ZFP1: variants seen among roughly 807,000 people sequenced by gnomAD.
ZFP1 encodes the protein zinc finger protein 1 homolog.
Under a neutral mutation model 38.5 loss-of-function variants are expected in ZFP1, and 32 were observed. That is an observed-to-expected ratio of 0.83 (90% CI 0.63 to 1.12). ZFP1 has a LOEUF of 1.12. ZFP1 is among the 50% of genes most tolerant of loss of function. ZFP1 has a pLI of 0.00. For synonymous variants in ZFP1, 245 were observed against 168.8 expected, an observed-to-expected ratio of 1.45 and a Z score of -3.50; for missense variants, 616 against 480.8, an observed-to-expected ratio of 1.28 and a Z score of -2.63.
intron 3 of ZFP1, among the ~76,000 whole-genome samples, chr16:75,168,686 ACTGCAAACCTATGAGAAGTGCTG>A (rs1483587386): frequency 1.3e-5 from 2 of 152,202 alleles, no homozygotes; most frequent in Non-Finnish European, 2.9e-5. Context: ...TCTGGTTGTC[ACTGCAAACCTATGAGAAGTGCTG>A]TTCTCTGGAA....
At chr16:75,138,739 A>G in the ZFP1 span, among the ~76,000 whole-genome samples, 11 of 152,234 alleles carry the variant, frequency 7.2e-5, no homozygotes, top group Admixed American at 2.6e-4. Context: ...CAGCGAGGGA[A>G]ATCCCTGGAA....
rs757761955 is a variant in ZFP1 at position 75,169,360 on chromosome 16, G to T, written c.250G>T (p.Asp84Tyr). ...KNQTPIEERGDLFGKALNLNT... is the reference protein window; with the variant it reads ...KNQTPIEERGYLFGKALNLNT... ...CCAAACCCCAATTGAGGAAAGAGGCGATCTCTTTGGAAAAGCACTTAATCT... is the reference window on the plus strand; with the variant it reads ...CCAAACCCCAATTGAGGAAAGAGGCTATCTCTTTGGAAAAGCACTTAATCT... The change falls in exon 4 of 4, where the codon GAT becomes TAT. Residue 84 changes from aspartate to tyrosine, a missense_variant. Physicochemically the swap from Asp to Tyr is radical, Grantham distance 160 (BLOSUM62 -3). Coordinates refer to ENST00000570010, the MANE Select transcript of ZFP1 (RefSeq NM_153688.4). 9.9e-6 allele frequency: 16 copies of T among 1,613,870 alleles called. No individual in the cohort carries two copies. Among genetic ancestry groups the T allele is most frequent in the Non-Finnish European group, 1.3e-5 (15 of 1,179,986 alleles).
intron 2 of ZFP1, among the ~76,000 whole-genome samples, chr16:75,166,339 TCTC>T (rs1425976746): frequency 6.6e-6 from 1 of 152,164 alleles, no homozygotes; most frequent in Non-Finnish European, 1.5e-5. Flanking sequence ...TTTAAGCAGT[TCTC>T]CTGTCTCAGC....
At chr16:75,161,126 G>C (rs1034382662) in intron 2 of ZFP1, among the ~76,000 whole-genome samples, 3 of 152,004 alleles carry the variant, frequency 2.0e-5, no homozygotes, top group African/African-American at 7.3e-5. Context: ...GTAGTGCAGT[G>C]GCACCATCTT....
the ZFP1 span, among the ~76,000 whole-genome samples, chr16:75,123,491 A>G: frequency 3.4e-3 from 353 of 105,010 alleles, 8 homozygotes; most frequent in African/African-American, 9.3e-3. Flanking sequence ...ATATATATAT[A>G]TATATATATG....
chr16:75,145,508 T>C (rs73617616), upstream of ZFP1, among the ~76,000 whole-genome samples: 9,567 of 152,038 alleles, frequency 0.063, 1,002 homozygotes, highest in African/African-American at 0.21. Context: ...TCCAAGACCA[T>C]TGTGGCCCAC....
At chr16:75,142,766 G>A in the ZFP1 span, among the ~76,000 whole-genome samples, 75 of 152,082 alleles carry the variant, frequency 4.9e-4, no homozygotes, top group African/African-American at 1.7e-3. Context: ...GCAGTGGTGC[G>A]ATCTCAGCTC....
intron 2 of ZFP1, among the ~76,000 whole-genome samples, chr16:75,161,706 T>C (rs2037784685): frequency 7.4e-6 from 1 of 135,856 alleles, no homozygotes; most frequent in African/African-American, 2.7e-5. Flanking sequence ...TGGTAGATTA[T>C]AAGATTTCTT....
At chr16:75,160,409 A>G (rs2037705516) in intron 2 of ZFP1, among the ~76,000 whole-genome samples, 1 of 151,954 alleles carries the variant, frequency 6.6e-6, no homozygotes, top group African/African-American at 2.4e-5. Flanking sequence ...ACTAAACCCC[A>G]TCTGTACTAA....
the ZFP1 span, among the ~76,000 whole-genome samples, chr16:75,140,905 G>A: frequency 1.3e-5 from 2 of 152,000 alleles, no homozygotes; most frequent in Non-Finnish European, 2.9e-5. Flanking sequence ...CTTGCAGTGA[G>A]CCGAGATCGC....
chr16:75,161,847 C>T (rs1441965523), intron 2 of ZFP1, among the ~76,000 whole-genome samples: 1 of 128,306 alleles, frequency 7.8e-6, no homozygotes, highest in African/African-American at 3.0e-5. Flanking sequence ...TGCAGTAGCA[C>T]GATCTAGGCT....
Position 75,151,589 on chromosome 16 carries a change from T to TG in ZFP1, c.-43-1318dup, listed in dbSNP as rs2037205202. Reference sequence around the variant, plus strand: ...TCATACTGTTTTATGTCAATATACTTGGAACATTATACTCCCAATTTCATC... The same window carrying TG: ...TCATACTGTTTTATGTCAATATACTTGGGAACATTATACTCCCAATTTCATC... On this transcript the variant is annotated intron_variant, in intron 1 of 3. Coordinates refer to ENST00000570010, the MANE Select transcript of ZFP1 (RefSeq NM_153688.4). 2.0e-5 allele frequency among the ~76,000 whole-genome samples: 3 copies of TG among 152,346 alleles called. No individual in the cohort carries two copies. In the South Asian group the frequency reaches 6.2e-4, roughly 32 times the overall value.
At chr16:75,149,480 G>A (rs2037068414) in intron 1 of ZFP1, among the ~76,000 whole-genome samples, 1 of 151,884 alleles carries the variant, frequency 6.6e-6, no homozygotes. Context: ...TGTCAACGAG[G>A]GACCTCATGT....
At chr16:75,154,805 T>G (rs2037390507) in intron 2 of ZFP1, among the ~76,000 whole-genome samples, 1 of 152,098 alleles carries the variant, frequency 6.6e-6, no homozygotes, top group African/African-American at 2.4e-5. Context: ...TTTTTAATTT[T>G]TATTTTTTTT....
At chr16:75,136,598 G>A in the ZFP1 span, among the ~76,000 whole-genome samples, 2 of 152,272 alleles carry the variant, frequency 1.3e-5, no homozygotes, top group Non-Finnish European at 2.9e-5. Flanking sequence ...ACTGGGCATG[G>A]TGGCTCAAGC....
At chr16:75,155,458 T>C (rs2037423936) in intron 2 of ZFP1, among the ~76,000 whole-genome samples, 2 of 152,200 alleles carry the variant, frequency 1.3e-5, no homozygotes, top group Admixed American at 6.5e-5. Flanking sequence ...TTTTAAATCA[T>C]TCAGTAACAT....
intron 1 of ZFP1, among the ~76,000 whole-genome samples, chr16:75,150,116 A>G (rs1017533278): frequency 6.6e-6 from 1 of 151,940 alleles, no homozygotes; most frequent in Non-Finnish European, 1.5e-5. Flanking sequence ...CATTCAATTC[A>G]AATTTTTTTA....
At chr16:75,150,486 T>C (rs1399403030) in intron 1 of ZFP1, among the ~76,000 whole-genome samples, 2 of 152,262 alleles carry the variant, frequency 1.3e-5, no homozygotes, top group African/African-American at 2.4e-5. Context: ...TGCAAAGTGC[T>C]GGGATCACAG....
At chr16:75,123,366 GTA>G in the ZFP1 span, among the ~76,000 whole-genome samples, 37 of 138,150 alleles carry the variant, frequency 2.7e-4, no homozygotes, top group Middle Eastern at 3.8e-3. Context: ...ATATATATGT[GTA>G]TATATATATA....
Sources: gnomAD v4.1 joint callset for allele counts (sites outside exome capture counted in the v4.1 genomes callset) on GRCh38, gnomAD v4.1.1 for gene constraint, MANE v1.5 for transcripts, NCBI Gene and HGNC (gene_info 2026-07-23, HGNC 2026-07-21) for gene names.